The following SHTN1 variants were observed in gnomAD, a reference collection of about 807,000 sequenced individuals.
The protein encoded by SHTN1 is shootin-1.
In SHTN1, 42 loss-of-function variants were observed where a neutral mutation model predicts 83.1. The ratio of observed to expected loss-of-function variants is 0.51; its 90% confidence interval spans 0.39 to 0.65. The LOEUF is 0.65. Ranked by LOEUF, SHTN1 falls within the 30% of genes least tolerant of loss-of-function variation. The pLI is 0.00. For synonymous variants in SHTN1, 224 were observed against 247.7 expected (o/e 0.90, Z 0.90); for missense variants, 622 against 737.8 (o/e 0.84, Z 1.82).
chr10:117,061,135 C>CTTTTTTT (rs5788206), intron 1 of SHTN1, among the ~76,000 whole-genome samples: 17 of 127,262 alleles, frequency 1.3e-4, no homozygotes, highest in Non-Finnish European at 1.2e-4. Context: ...AAGCTTTAGT[C>CTTTTTTT]TTTTTTTTTT....
intron 1 of SHTN1, among the ~76,000 whole-genome samples, chr10:117,112,186 G>A (rs940565126): frequency 3.9e-5 from 6 of 152,038 alleles, no homozygotes; most frequent in African/African-American, 1.4e-4. Context: ...GGCTGGTGTC[G>A]AATTCCTGGG....
intron 3 of SHTN1, among the ~76,000 whole-genome samples, chr10:116,964,737 C>G (rs1850328419): frequency 6.6e-6 from 1 of 152,136 alleles, no homozygotes; most frequent in Admixed American, 6.5e-5. Context: ...AATCCCAGCA[C>G]TTTGGGAGGC....
At chr10:116,960,285 A>G (rs539753296) in intron 3 of SHTN1, 55 bp from the exon 4 acceptor site, 1 of 957,108 alleles carries the variant, frequency 1.0e-6, no homozygotes, top group Admixed American at 1.7e-5. Flanking sequence ...CAGCTATTCC[A>G]GGAGCCCACG....
chr10:117,119,618 T>C (rs1320932176), intron 1 of SHTN1, among the ~76,000 whole-genome samples: 4 of 152,178 alleles, frequency 2.6e-5, no homozygotes, highest in African/African-American at 4.8e-5. Context: ...ACAACCATTA[T>C]GGAGAACAGT....
intron 1 of SHTN1, among the ~76,000 whole-genome samples, chr10:116,998,896 A>G (rs1245627916): frequency 6.6e-6 from 1 of 152,240 alleles, no homozygotes; most frequent in Admixed American, 6.5e-5. Flanking sequence ...AAGAAAATAT[A>G]TGTATATACC....
At chr10:117,088,241 A>G (rs1363218192) in intron 1 of SHTN1, among the ~76,000 whole-genome samples, 1 of 152,244 alleles carries the variant, frequency 6.6e-6, no homozygotes, top group Non-Finnish European at 1.5e-5. Flanking sequence ...AGGAATACAC[A>G]AAACAAACCT....
At chr10:117,022,033 T>C (rs1852269687) in intron 2 of SHTN1, among the ~76,000 whole-genome samples, 1 of 152,180 alleles carries the variant, frequency 6.6e-6, no homozygotes, top group Non-Finnish European at 1.5e-5. Context: ...CAGATCTCTC[T>C]GAGAATTTCT....
At chr10:117,022,488 C>T (rs994262852) in intron 2 of SHTN1, among the ~76,000 whole-genome samples, 3 of 152,036 alleles carry the variant, frequency 2.0e-5, no homozygotes, top group Admixed American at 1.3e-4. Context: ...TATGCCAATA[C>T]ATCAAAGATA....
intron 1 of SHTN1, among the ~76,000 whole-genome samples, chr10:117,000,338 G>A (rs1369663361): frequency 6.6e-6 from 1 of 152,122 alleles, no homozygotes; most frequent in Non-Finnish European, 1.5e-5. Context: ...ATGGAATACT[G>A]GATGCATCTT....
At chr10:116,924,089 G>A (rs1848654019) in intron 11 of SHTN1, among the ~76,000 whole-genome samples, 1 of 152,084 alleles carries the variant, frequency 6.6e-6, no homozygotes, top group South Asian at 2.1e-4. Context: ...TGGCCAAATG[G>A]AATTAAATTA....
intron 1 of SHTN1, among the ~76,000 whole-genome samples, chr10:117,108,673 T>C (rs1564962025): frequency 6.6e-6 from 1 of 151,926 alleles, no homozygotes; most frequent in Non-Finnish European, 1.5e-5. Flanking sequence ...AACCTGCACG[T>C]TGTGCACATG....
At chr10:116,937,318 T>C (rs1477051531) in intron 9 of SHTN1, among the ~76,000 whole-genome samples, 1 of 152,200 alleles carries the variant, frequency 6.6e-6, no homozygotes, top group Non-Finnish European at 1.5e-5. Context: ...CCTTTCCATG[T>C]TTAGTGCTTC....
intron 1 of SHTN1, among the ~76,000 whole-genome samples, chr10:117,105,771 A>C (rs928368351): frequency 1.3e-5 from 2 of 152,210 alleles, no homozygotes; most frequent in Non-Finnish European, 2.9e-5. Flanking sequence ...TAATCCCAAA[A>C]CTTTGGGAAG....
At chr10:117,040,796 A>AT (rs968846562) in intron 2 of SHTN1, among the ~76,000 whole-genome samples, 1 of 151,590 alleles carries the variant, frequency 6.6e-6, no homozygotes, top group African/African-American at 2.4e-5. Flanking sequence ...GTTTAAAAAA[A>AT]TTTTTTTTTG....
intron 1 of SHTN1, among the ~76,000 whole-genome samples, chr10:117,074,270 C>T (rs971703947): frequency 1.2e-4 from 18 of 152,084 alleles, no homozygotes; most frequent in African/African-American, 3.9e-4. Context: ...ATGTCAAAGC[C>T]TATAATCAAA....
intron 2 of SHTN1, among the ~76,000 whole-genome samples, chr10:117,028,725 C>T (rs1473104457): frequency 6.6e-6 from 1 of 152,200 alleles, no homozygotes; most frequent in Non-Finnish European, 1.5e-5. Flanking sequence ...TGGTGTTAAG[C>T]CTGCAGGTGC....
chr10:116,939,796 G>C (rs780036437), intron 9 of SHTN1, among the ~76,000 whole-genome samples: 69 of 152,174 alleles, frequency 4.5e-4, no homozygotes, highest in Non-Finnish European at 1.2e-4. Flanking sequence ...TACATTATAA[G>C]TAGTATAAAC....
intron 1 of SHTN1, among the ~76,000 whole-genome samples, chr10:117,054,188 T>C (rs1408582287): frequency 6.6e-6 from 1 of 152,088 alleles, no homozygotes; most frequent in Non-Finnish European, 1.5e-5. Flanking sequence ...ACACGTTTCA[T>C]TTACCCCTGA....
chr10:117,008,248 G>A (rs1852050652), upstream of SHTN1, among the ~76,000 whole-genome samples: 4 of 151,936 alleles, frequency 2.6e-5, no homozygotes, highest in South Asian at 8.3e-4. Flanking sequence ...AAGGTGTGGG[G>A]GTTGGAGTGT....
Sources: gnomAD v4.1 joint callset for allele counts (sites outside exome capture counted in the v4.1 genomes callset) on GRCh38, gnomAD v4.1.1 for gene constraint, MANE v1.5 for transcripts, NCBI Gene and HGNC (gene_info 2026-07-23, HGNC 2026-07-21) for gene names.